LCLAT1: variants seen among roughly 807,000 people sequenced by gnomAD.
The protein encoded by LCLAT1 is lysocardiolipin acyltransferase 1.
Under a neutral mutation model 30.7 loss-of-function variants are expected in LCLAT1, and 11 were observed. That is an observed-to-expected ratio of 0.36 (90% CI 0.23 to 0.59). LCLAT1 has a LOEUF of 0.59. LCLAT1 is among the 20% of genes least tolerant of loss of function. The probability of loss-of-function intolerance (pLI) is 0.77; values close to 1 mark genes in which losing one functional copy is unlikely to be tolerated. For synonymous variants in LCLAT1, 155 were observed against 151.3 expected, an observed-to-expected ratio of 1.02 and a Z score of -0.18; for missense variants, 402 against 458.6, an observed-to-expected ratio of 0.88 and a Z score of 1.13.
rs144138908 is a variant in LCLAT1, at chr2:30,560,326, ATTAT to A, written c.365-1809_365-1806del. On this transcript the variant is annotated intron_variant, in intron 3 of 5. Transcript: ENST00000379509. ...TGTGTGTGTGTGTGTGTGTGTGTGT[ATTAT>A]TTATTTATTTTGACACGGAGTCTTG... Among the ~76,000 whole-genome samples the A allele has an allele frequency of 6.0e-3, 551 of 91,270 alleles. 7 individuals carry two copies. Among genetic ancestry groups the A allele is most frequent in the African/African-American group, 0.019 (520 of 26,936 alleles). 59.9% of individuals were successfully genotyped at this position (91,270 alleles called of 152,430 possible).
chr2:30,482,417 A>G (rs1683363725), intron 1 of LCLAT1, among the ~76,000 whole-genome samples: 1 of 152,240 alleles, frequency 6.6e-6, no homozygotes, highest in South Asian at 2.1e-4. Context: ...AATTATTTGA[A>G]TATTTTAAAA....
At chr2:30,507,476 C>G (rs560872526) in intron 1 of LCLAT1, among the ~76,000 whole-genome samples, 27 of 152,294 alleles carry the variant, frequency 1.8e-4, no homozygotes, top group Admixed American at 9.8e-4. Flanking sequence ...CTCCCACCCT[C>G]TACCCTTCAG....
intron 5 of LCLAT1, among the ~76,000 whole-genome samples, chr2:30,611,920 G>T (rs1436085282): frequency 6.6e-6 from 1 of 152,160 alleles, no homozygotes; most frequent in Non-Finnish European, 1.5e-5. Context: ...TGTTTTCAGA[G>T]CCGTGTCTGC....
At chr2:30,496,761 T>G (rs1043487097) in intron 1 of LCLAT1, among the ~76,000 whole-genome samples, 2 of 152,206 alleles carry the variant, frequency 1.3e-5, no homozygotes, top group Admixed American at 1.3e-4. Context: ...GAATCTCATT[T>G]CAGTTCCTTG....
intron 1 of LCLAT1, among the ~76,000 whole-genome samples, chr2:30,501,122 A>G (rs1336399652): frequency 7.9e-6 from 1 of 126,252 alleles, no homozygotes; most frequent in Non-Finnish European, 1.8e-5. Flanking sequence ...GTGTGTGTGT[A>G]GTTACATTTC....
At chr2:30,514,969 GTT>G (rs1035587621) in intron 1 of LCLAT1, among the ~76,000 whole-genome samples, 20 of 152,144 alleles carry the variant, frequency 1.3e-4, no homozygotes, top group African/African-American at 4.6e-4. Context: ...GGCAAATGTG[GTT>G]TTCTTGGCCA....
At chr2:30,516,266 G>GC (rs1416438345) in intron 1 of LCLAT1, among the ~76,000 whole-genome samples, 2 of 151,998 alleles carry the variant, frequency 1.3e-5, no homozygotes, top group Non-Finnish European at 2.9e-5. Context: ...ATTAAATCTT[G>GC]CAACTGCACA....
chr2:30,558,145 T>G (rs1301401884), intron 3 of LCLAT1, among the ~76,000 whole-genome samples: 2 of 152,232 alleles, frequency 1.3e-5, no homozygotes, highest in East Asian at 3.9e-4. Flanking sequence ...GAGTATATAT[T>G]TATATTCTGT....
intron 1 of LCLAT1, among the ~76,000 whole-genome samples, chr2:30,499,840 A>T (rs1450281655): frequency 6.6e-6 from 1 of 152,166 alleles, no homozygotes; most frequent in Non-Finnish European, 1.5e-5. Flanking sequence ...TTTGGCAGTC[A>T]CATTAACTAT....
chr2:30,506,137 T>C (rs1033714031), intron 1 of LCLAT1, among the ~76,000 whole-genome samples: 1 of 152,130 alleles, frequency 6.6e-6, no homozygotes, highest in African/African-American at 2.4e-5. Context: ...TTATTTCTCC[T>C]AAGTTCTCCC....
chr2:30,518,498 G>A (rs1191279007), intron 1 of LCLAT1, among the ~76,000 whole-genome samples: 1 of 152,176 alleles, frequency 6.6e-6, no homozygotes, highest in East Asian at 1.9e-4. Context: ...CCAATTCTAA[G>A]TTAATTTAGA....
intron 5 of LCLAT1, among the ~76,000 whole-genome samples, chr2:30,619,420 A>G (rs1293479270): frequency 1.3e-5 from 2 of 152,198 alleles, no homozygotes; most frequent in African/African-American, 4.8e-5. Flanking sequence ...GTAAACCTCT[A>G]TAAGGTATCT....
chr2:30,496,346 C>T (rs1684115530), intron 1 of LCLAT1, among the ~76,000 whole-genome samples: 2 of 152,164 alleles, frequency 1.3e-5, no homozygotes, highest in Non-Finnish European at 2.9e-5. Context: ...AGGGTAGTGC[C>T]AGCTCACTGT....
chr2:30,466,632 C>T (rs996733984), intron 1 of LCLAT1, among the ~76,000 whole-genome samples: 16 of 152,160 alleles, frequency 1.1e-4, no homozygotes, highest in African/African-American at 3.9e-4. Flanking sequence ...TTCTGTTGCA[C>T]TGGTTCTAAA....
At chr2:30,586,077 T>TA (rs938924154) in intron 5 of LCLAT1, among the ~76,000 whole-genome samples, 2 of 151,396 alleles carry the variant, frequency 1.3e-5, no homozygotes, top group Non-Finnish European at 2.9e-5. Context: ...CCATCTCTAC[T>TA]AAAAAAATAC....
chr2:30,520,501 T>G (rs948370992), intron 1 of LCLAT1, among the ~76,000 whole-genome samples: 2 of 152,178 alleles, frequency 1.3e-5, no homozygotes, highest in Non-Finnish European at 2.9e-5. Context: ...TGGCTTAAAG[T>G]TCCAGTTTTG....
intron 1 of LCLAT1, among the ~76,000 whole-genome samples, chr2:30,455,568 C>T (rs1022572028): frequency 2.0e-5 from 3 of 152,074 alleles, no homozygotes; most frequent in Admixed American, 6.5e-5. Context: ...TCTATGGTCA[C>T]GTTATGGCCT....
At chr2:30,501,098 A>ATGTGTGTGTGTG (rs70962280) in intron 1 of LCLAT1, among the ~76,000 whole-genome samples, 1 of 121,888 alleles carries the variant, frequency 8.2e-6, no homozygotes, top group African/African-American at 3.6e-5. Context: ...GTGTGTGTGT[A>ATGTGTGTGTGTG]TGTGTGTGTG....
intron 5 of LCLAT1, among the ~76,000 whole-genome samples, chr2:30,624,563 A>C (rs1460089476): frequency 1.3e-5 from 2 of 152,222 alleles, no homozygotes; most frequent in Admixed American, 1.3e-4. Context: ...CCAACATTAA[A>C]CTATCACAAT....
Sources: gnomAD v4.1 joint callset for allele counts (sites outside exome capture counted in the v4.1 genomes callset) on GRCh38, gnomAD v4.1.1 for gene constraint, MANE v1.5 for transcripts, NCBI Gene and HGNC (gene_info 2026-07-23, HGNC 2026-07-21) for gene names.